PCSK5: variants seen among roughly 807,000 people sequenced by gnomAD.
The protein encoded by PCSK5 is prohormone convertase 5.
PCSK5 carries 129 observed loss-of-function variants against 233.2 expected under a neutral mutation model. That is an observed-to-expected ratio of 0.55 (90% confidence interval 0.48 to 0.64). The LOEUF is 0.64. Among genes scored for constraint, PCSK5 ranks in the 30% least tolerant of loss-of-function variants. The pLI is 0.00. For missense variants in PCSK5, 2,076 were observed against 2,430.1 expected (o/e 0.85, Z 3.06); for synonymous variants, 825 against 879.2 (o/e 0.94, Z 1.09).
At chr9:76,330,240 G>A (rs1401927325) in intron 33 of PCSK5, among the ~76,000 whole-genome samples, 1 of 152,134 alleles carries the variant, frequency 6.6e-6, no homozygotes. Context: ...CAGAGTTGAA[G>A]GTTATTGCTA....
chr9:76,221,263 T>G (rs1825720421), intron 20 of PCSK5, among the ~76,000 whole-genome samples: 1 of 152,212 alleles, frequency 6.6e-6, no homozygotes. Context: ...CACAGTAAAT[T>G]CCTTTTTGAT....
intron 24 of PCSK5, among the ~76,000 whole-genome samples, chr9:76,290,489 C>A (rs1828244128): frequency 6.6e-6 from 1 of 152,228 alleles, no homozygotes; most frequent in African/African-American, 2.4e-5. Flanking sequence ...CAGCTTCCTG[C>A]AGAAGGGCCC....
intron 14 of PCSK5, 37 bp from the exon 15 acceptor site, chr9:76,179,559 C>A: frequency 6.7e-7 from 1 of 1,483,588 alleles, no homozygotes; most frequent in South Asian, 1.1e-5. Context: ...GCTCTAAAAT[C>A]ATTTTTCCAA....
chr9:76,144,957 C>T (rs778236705), intron 10 of PCSK5, among the ~76,000 whole-genome samples: 4 of 152,084 alleles, frequency 2.6e-5, no homozygotes, highest in Non-Finnish European at 4.4e-5. Flanking sequence ...GAAACCCCAT[C>T]TCTACTAAAA....
intron 3 of PCSK5, among the ~76,000 whole-genome samples, chr9:75,994,400 CTTTTTTTTTTT>C (rs550518074): frequency 9.8e-5 from 8 of 82,016 alleles, no homozygotes; most frequent in African/African-American, 4.2e-4. Flanking sequence ...TTCTTTCTTT[CTTTTTTTTTTT>C]TTTTTTTTTT....
At position 76,240,833 on chromosome 9, in the gene PCSK5, A is replaced by G; in HGVS notation, c.3142+149A>G. 3 of 633,718 alleles carry G rather than the reference A, an allele frequency of 4.7e-6. No homozygotes were observed. In the South Asian group the frequency reaches 6.0e-5, roughly 13 times the overall value. 39.3% of individuals were successfully genotyped at this position (633,718 alleles called of 1,614,324 possible). The stretch of plus-strand genomic sequence containing the variant: ...ACGTCTTAAGTAGGCTTTCTTCAAT[A>G]CAAACAGGATCACTGTGAGGAAATA... On this transcript the variant is annotated intron_variant, in intron 24 of 37. Coordinates refer to ENST00000674117, the MANE Select transcript of PCSK5 (RefSeq NM_001372043.1).
intron 5 of PCSK5, among the ~76,000 whole-genome samples, chr9:76,059,163 T>A (rs1246778529): frequency 6.6e-6 from 1 of 152,064 alleles, no homozygotes; most frequent in Non-Finnish European, 1.5e-5. Flanking sequence ...AAGGAGAGAG[T>A]AACCATTAAG....
intron 3 of PCSK5, among the ~76,000 whole-genome samples, chr9:76,023,025 G>C (rs1204819148): frequency 3.3e-5 from 5 of 152,174 alleles, no homozygotes; most frequent in Admixed American, 6.5e-5. Context: ...ATTTGTAGCT[G>C]GATGGGCTTC....
chr9:76,173,188 C>A (rs924979101), intron 13 of PCSK5, among the ~76,000 whole-genome samples: 1 of 152,156 alleles, frequency 6.6e-6, no homozygotes, highest in Non-Finnish European at 1.5e-5. Flanking sequence ...ATAAAACTTA[C>A]AAATCACTTA....
intron 20 of PCSK5, chr9:76,193,963 C>T (rs1207219845): frequency 2.0e-5 from 3 of 152,386 alleles, no homozygotes; most frequent in African/African-American, 7.2e-5. Flanking sequence ...ATGCTGTGTA[C>T]TTATGTACTG....
chr9:76,169,651 G>T, intron 12 of PCSK5, 53 bp from the exon 13 acceptor site: 9 of 1,564,300 alleles, frequency 5.8e-6, no homozygotes, highest in African/African-American at 1.4e-5. Context: ...GTATTAACTA[G>T]ACCCTCATTG....
intron 32 of PCSK5, among the ~76,000 whole-genome samples, chr9:76,324,843 A>G (rs1420892409): frequency 6.6e-6 from 1 of 152,076 alleles, no homozygotes; most frequent in Non-Finnish European, 1.5e-5. Context: ...TCACCCCCAC[A>G]TGTCGCCCCC....
chr9:75,897,049 A>C (rs62559212), intron 1 of PCSK5, among the ~76,000 whole-genome samples: 27,140 of 152,074 alleles, frequency 0.18, 3,002 homozygotes, highest in African/African-American at 0.3. Context: ...CCTGACCCTC[A>C]GTTCCTCATT....
intron 5 of PCSK5, among the ~76,000 whole-genome samples, chr9:76,030,878 T>C (rs961834252): frequency 6.6e-6 from 1 of 152,170 alleles, no homozygotes; most frequent in African/African-American, 2.4e-5. Flanking sequence ...GGTGTCCTGC[T>C]TTGACCCATC....
chr9:76,300,120 G>A (rs116049236), intron 27 of PCSK5, among the ~76,000 whole-genome samples: 2,646 of 152,124 alleles, frequency 0.017, 73 homozygotes, highest in African/African-American at 0.061. Flanking sequence ...CTAATCCTTG[G>A]GGAAAGACTG....
At chr9:76,186,580 C>G (rs1824113141) in intron 17 of PCSK5, among the ~76,000 whole-genome samples, 1 of 152,148 alleles carries the variant, frequency 6.6e-6, no homozygotes, top group Non-Finnish European at 1.5e-5. Flanking sequence ...ATTTTGGAAG[C>G]AGCAGAAAGC....
chr9:75,942,604 T>C (rs1824362510), intron 2 of PCSK5, among the ~76,000 whole-genome samples: 1 of 152,026 alleles, frequency 6.6e-6, no homozygotes, highest in African/African-American at 2.4e-5. Flanking sequence ...TGGCAGAAGG[T>C]GGAGGGCTTA....
chr9:75,921,877 G>T (rs1416641294), intron 1 of PCSK5, among the ~76,000 whole-genome samples: 2 of 152,182 alleles, frequency 1.3e-5, no homozygotes, highest in African/African-American at 4.8e-5. Context: ...TAAACATACT[G>T]TAAGTTGAAT....
intron 9 of PCSK5, among the ~76,000 whole-genome samples, chr9:76,116,803 G>A (rs1464566752): frequency 6.6e-6 from 1 of 152,104 alleles, no homozygotes; most frequent in African/African-American, 2.4e-5. Flanking sequence ...TGTGACACCA[G>A]AACCCACCAT....
Sources: allele counts gnomAD v4.1 joint callset (sites outside exome capture counted in the v4.1 genomes callset), GRCh38; gene constraint gnomAD v4.1.1; transcripts MANE v1.5; gene names NCBI Gene and HGNC (gene_info 2026-07-23, HGNC 2026-07-21).